Variants in CENPE observed in about 807,000 individuals in gnomAD.
The protein encoded by CENPE is centromere-associated protein E.
In CENPE, 145 loss-of-function variants were observed where a neutral mutation model predicts 336.1. The observed-to-expected ratio is 0.43, with a 90% CI of 0.38 to 0.50. CENPE has a LOEUF of 0.50. Ranked by LOEUF, CENPE falls within the 20% of genes least tolerant of loss-of-function variation. CENPE has a pLI of 0.00. For missense variants in CENPE, 2,719 were observed against 3,023.3 expected, an observed-to-expected ratio of 0.90 and a Z score of 2.36; for synonymous variants, 1,013 against 984.8, an observed-to-expected ratio of 1.03 and a Z score of -0.54.
At position 103,195,178 on chromosome 4, in the gene CENPE, G is replaced by C; in HGVS notation, c.413C>G (p.Thr138Ser). Residue 138 changes from threonine to serine, a missense_variant, in exon 5 of 49, where the codon ACC (threonine) becomes AGC (serine). Physicochemically the swap from Thr to Ser is moderately conservative, Grantham distance 58. This residue lies in a region of CENPE where 106 missense variants were observed against 189.3 expected (regional missense o/e 0.56). Coordinates refer to ENST00000265148, the MANE Select transcript of CENPE (RefSeq NM_001813.3). ...RVSYMEIYNETITDLLCGTQK... is the reference protein window; with the variant it reads ...RVSYMEIYNESITDLLCGTQK... ...AGTGCCACAGAGTAAATCTGTAATG[G>C]TTTCATTGTATATTTCCATGTAAGA... 6.3e-7 allele frequency: 1 copy of C among 1,589,096 alleles called. No homozygotes were observed. Among genetic ancestry groups the C allele is most frequent in the Non-Finnish European group, 8.5e-7 (1 of 1,170,272 alleles).
intron 46 of CENPE, among the ~76,000 whole-genome samples, chr4:103,112,613 T>C (rs140557496): frequency 2.5e-3 from 320 of 130,516 alleles, no homozygotes; most frequent in African/African-American, 9.7e-3. Flanking sequence ...TATAAGTCTG[T>C]ATATATACTT....
chr4:103,194,336 T>TA, intron 7 of CENPE, 38 bp downstream of exon 7: 1 of 1,609,130 alleles, frequency 6.2e-7, no homozygotes, highest in Non-Finnish European at 8.5e-7. Flanking sequence ...AGTGCATTCT[T>TA]ACTTGGAAAG....
Position 103,168,868 on chromosome 4 carries a change from A to G in CENPE, c.1648-5315T>C, listed in dbSNP as rs147816831. Among the ~76,000 whole-genome samples, 191 of 152,338 alleles carry G rather than the reference A, an allele frequency of 1.3e-3. 1 individual carries two copies. In the East Asian group the frequency reaches 0.026, roughly 21 times the overall value. On this transcript the variant is annotated intron_variant, in intron 16 of 48. Coordinates refer to ENST00000265148, the MANE Select transcript of CENPE (RefSeq NM_001813.3). The stretch of plus-strand genomic sequence containing the variant: ...AGACCTTATAAAGATGGTGAAGACT[A>G]AAACAAATAGCTACATTCATCTTCA...
At chr4:103,149,718 A>T (rs575995506) in intron 26 of CENPE, among the ~76,000 whole-genome samples, 1 of 152,192 alleles carries the variant, frequency 6.6e-6, no homozygotes, top group Non-Finnish European at 1.5e-5. Flanking sequence ...AAGAGACATA[A>T]AAGCACATAG....
intron 36 of CENPE, among the ~76,000 whole-genome samples, 153 bp downstream of exon 36, chr4:103,140,661 C>T (rs575595185): frequency 1.3e-5 from 2 of 149,686 alleles, no homozygotes; most frequent in South Asian, 4.3e-4. Context: ...CATTCTTATG[C>T]TTAGTTTTCC....
At chr4:103,160,563 G>T (rs190908970) in intron 21 of CENPE, 62 bp downstream of exon 21, 2 of 1,358,188 alleles carry the variant, frequency 1.5e-6, no homozygotes, top group Admixed American at 2.4e-5. Context: ...AATATTTAAG[G>T]CACTATTATC....
chr4:103,163,382 A>C, intron 17 of CENPE, 97 bp downstream of exon 17: 1 of 1,260,206 alleles, frequency 7.9e-7, no homozygotes, highest in Non-Finnish European at 1.1e-6. Context: ...TTTTAAAAAC[A>C]TAATTCCCTT....
chr4:103,173,845 G>T (rs544482656), intron 16 of CENPE, among the ~76,000 whole-genome samples: 1 of 151,988 alleles, frequency 6.6e-6, no homozygotes, highest in South Asian at 2.1e-4. Context: ...AATTAGAATG[G>T]CTTATCAAGA....
chr4:103,133,213 A>C (rs1338232351), intron 41 of CENPE, among the ~76,000 whole-genome samples: 1 of 152,004 alleles, frequency 6.6e-6, no homozygotes, highest in Non-Finnish European at 1.5e-5. Flanking sequence ...CCTGAAGTGC[A>C]TCTTAATTTT....
chr4:103,176,783 T>C, intron 14 of CENPE, 116 bp downstream of exon 14: 2 of 739,872 alleles, frequency 2.7e-6, no homozygotes, highest in South Asian at 2.6e-5. Context: ...TGTAATCACA[T>C]ATGAAATACA....
At position 103,113,146 on chromosome 4, in the gene CENPE, A is replaced by ATATGTGTATATATACT. The variant is rs1749702798; in HGVS notation, c.7540+1308_7540+1309insAGTATATATACACATA. 8.9e-5 allele frequency among the ~76,000 whole-genome samples: 6 copies of ATATGTGTATATATACT among 67,282 alleles called. 1 individual carries two copies. The highest frequency in any genetic ancestry group is 3.1e-4 in the Admixed American group (2 of 6,512). The allele number at this position is 67,282 out of a possible 152,430, so 44.1% of individuals were successfully genotyped here. On this transcript the variant is annotated intron_variant, in intron 46 of 48. Transcript: ENST00000265148. ...TATATGTGTATATATACTTATAAGT[A>ATATGTGTATATATACT]TATAAGTGTATATATACTTATAAGT...
At chr4:103,171,613 G>A (rs950806772) in intron 16 of CENPE, among the ~76,000 whole-genome samples, 1 of 149,578 alleles carries the variant, frequency 6.7e-6, no homozygotes, top group Non-Finnish European at 1.5e-5. Context: ...AGAAAAACAA[G>A]AACAAACTAA....
intron 39 of CENPE, among the ~76,000 whole-genome samples, chr4:103,137,204 T>G (rs1301533951): frequency 6.6e-6 from 1 of 152,116 alleles, no homozygotes; most frequent in African/African-American, 2.4e-5. Context: ...GGAAGGCAGT[T>G]TCCTTGTTTA....
chr4:103,152,930 C>T (rs1486236822), intron 25 of CENPE, 117 bp downstream of exon 25: 2 of 738,458 alleles, frequency 2.7e-6, no homozygotes, highest in Non-Finnish European at 4.3e-6. Flanking sequence ...GTCGTCAGAC[C>T]ATACACTTCC....
At chr4:103,155,772 G>T (rs187320856) in intron 24 of CENPE, among the ~76,000 whole-genome samples, 1 of 152,086 alleles carries the variant, frequency 6.6e-6, no homozygotes, top group African/African-American at 2.4e-5. Flanking sequence ...ATTTTGCCCC[G>T]GAGTAAATGG....
At chr4:103,108,238 A>G (rs1749064630) in intron 48 of CENPE, among the ~76,000 whole-genome samples, 1 of 147,364 alleles carries the variant, frequency 6.8e-6, no homozygotes, top group Non-Finnish European at 1.5e-5. Context: ...CACTGCTATA[A>G]TTTCACTTTT....
Position 103,139,889 on chromosome 4 carries a change from C to A in CENPE, c.6104G>T (p.Arg2035Ile). 6.2e-7 allele frequency: 1 copy of A among 1,613,216 alleles called. No individual in the cohort carries two copies. Among genetic ancestry groups the A allele is most frequent in the South Asian group, 1.1e-5 (1 of 91,062 alleles). ...CTCATCTCTTTCTTTAGCTACAATT[C>A]TTATTTCTTCAAGGCTTTCATGAAG... ...KKLHESLEEI[R>I]IVAKERDELR... The change falls in exon 38 of 49, where the codon AGA (arginine) becomes ATA (isoleucine). Residue 2035 changes from arginine to isoleucine, a missense_variant. Coordinates refer to ENST00000265148, the MANE Select transcript of CENPE (RefSeq NM_001813.3).
chr4:103,180,509 G>A lies in CENPE; in HGVS notation c.1084-40C>T. ...ATTGGATTATGTTAATAATAAATGT[G>A]GCTAAGTTTTAAAACCTTAAAGTAG... On this transcript the variant is annotated intron_variant, in intron 12 of 48. Coordinates refer to ENST00000265148, the MANE Select transcript of CENPE (RefSeq NM_001813.3). 4.2e-6 allele frequency: 6 copies of A among 1,434,032 alleles called. No individual in the cohort carries two copies. In the South Asian group the frequency reaches 4.4e-5, roughly 11 times the overall value. The allele number at this position is 1,434,032 out of a possible 1,614,324, so 88.8% of individuals were successfully genotyped here. A position where few individuals can be genotyped will look rare whatever the true frequency, so the allele number is the denominator to read the frequency against.
At chr4:103,156,959 G>A (rs1754009284) in intron 24 of CENPE, among the ~76,000 whole-genome samples, 1 of 149,218 alleles carries the variant, frequency 6.7e-6, no homozygotes, top group African/African-American at 2.5e-5. Context: ...TAAACAAATG[G>A]CCAAAAAGCA....
Sources: allele counts gnomAD v4.1 joint callset (sites outside exome capture counted in the v4.1 genomes callset), GRCh38; gene constraint gnomAD v4.1.1; regional missense constraint gnomAD v4.1.1; transcripts MANE v1.5; gene names NCBI Gene and HGNC (gene_info 2026-07-23, HGNC 2026-07-21).